DYNC2H1: variants seen among roughly 807,000 people sequenced by gnomAD.
DYNC2H1 encodes dynein cytoplasmic 2 heavy chain 1, also known as cytoplasmic dynein 2 heavy chain 1.
In DYNC2H1, 410 loss-of-function variants were observed where a neutral mutation model predicts 570.0. The observed-to-expected ratio is 0.72, with a 90% CI of 0.66 to 0.78. DYNC2H1 has a LOEUF of 0.78. Among genes scored for constraint, DYNC2H1 ranks in the 30% least tolerant of loss-of-function variants. The probability of loss-of-function intolerance (pLI) is 0.00; values close to 1 mark genes in which losing one functional copy is unlikely to be tolerated. For missense variants in DYNC2H1, 4,865 were observed against 5,046.4 expected, an observed-to-expected ratio of 0.96 and a Z score of 1.09; for synonymous variants, 1,688 against 1,677.6, an observed-to-expected ratio of 1.01 and a Z score of -0.15.
At chr11:103,445,130 G>A (rs1302510539) in intron 85 of DYNC2H1, among the ~76,000 whole-genome samples, 2 of 152,180 alleles carry the variant, frequency 1.3e-5, no homozygotes, top group Non-Finnish European at 2.9e-5. Flanking sequence ...AATAATGCCT[G>A]TAAAATTCAC....
intron 50 of DYNC2H1, among the ~76,000 whole-genome samples, chr11:103,202,973 C>T (rs185638089): frequency 2.6e-4 from 40 of 152,172 alleles, no homozygotes; most frequent in African/African-American, 9.4e-4. Flanking sequence ...TAGTAGCAGG[C>T]CATGGACCAG....
chr11:103,139,509 A>G (rs1484861609), intron 17 of DYNC2H1, among the ~76,000 whole-genome samples: 6 of 151,860 alleles, frequency 4.0e-5, no homozygotes. Flanking sequence ...TTCAGTTTCC[A>G]TGTAGTTGAG....
chr11:103,141,658 G>A (rs986893947), intron 17 of DYNC2H1, among the ~76,000 whole-genome samples: 4 of 152,190 alleles, frequency 2.6e-5, no homozygotes, highest in African/African-American at 9.6e-5. Context: ...TCAGGGGTCA[G>A]GGGTCAGGGA....
rs763142229 is a variant in DYNC2H1 at position 103,134,384 on chromosome 11, G to A, written c.2170G>A (p.Glu724Lys). The A allele has an allele frequency of 1.2e-6, 2 of 1,611,910 alleles. No homozygotes were observed. The highest frequency in any genetic ancestry group is 4.5e-5 in the East Asian group (2 of 44,798). Residue 724 changes from glutamate to lysine, a missense_variant, in exon 15 of 89, where the codon GAA becomes AAA. Physicochemically the swap from Glu to Lys is moderately conservative, Grantham distance 56. Coordinates refer to ENST00000375735, the MANE Select transcript of DYNC2H1 (RefSeq NM_001377.3). ...QQQRWKDGLQ[E>K]LRTGLATVEA... is the part of the protein sequence containing the mutation. ...ACAGCGCTGGAAAGATGGATTACAA[G>A]AATTGAGAACTGGCTTAGCAACTGT... is the stretch of plus-strand genomic sequence containing the variant.
In DYNC2H1 at chr11:103,169,037, A is replaced by G. The variant is rs373727848; in HGVS notation, c.4968+77A>G. The G allele has an allele frequency of 1.0e-4, 130 of 1,284,766 alleles. 2 individuals are homozygous for G. In the South Asian group the frequency reaches 1.2e-3, roughly 12 times the overall value. The allele number at this position is 1,284,766 out of a possible 1,614,324, so 79.6% of individuals were successfully genotyped here. A position where few individuals can be genotyped will look rare whatever the true frequency, so the allele number is the denominator to read the frequency against. ...AAGAAAATTTGTTATTGGTAGAAAT[A>G]CTTTTTTATTTAAGTAGTAATTTTT... On this transcript the variant is annotated intron_variant, in intron 32 of 88. Coordinates refer to ENST00000375735, the MANE Select transcript of DYNC2H1 (RefSeq NM_001377.3).
Position 103,177,006 on chromosome 11 carries a change from A to T in DYNC2H1, c.5875-550A>T, listed in dbSNP as rs183338163. Among the ~76,000 whole-genome samples the T allele has an allele frequency of 6.6e-6, 1 of 152,220 alleles. No homozygotes were observed. Among genetic ancestry groups the T allele is most frequent in the Non-Finnish European group, 1.5e-5 (1 of 67,980 alleles). On this transcript the variant is annotated intron_variant, in intron 37 of 88. Transcript: ENST00000375735. This position sits in a 1 kb window ranked among gnomAD's most constrained non-coding sequence, Gnocchi z 4.4. ...CAGGCCTGAGCCACCGCATCTGGCCATCCATATATATTTTTGCTCACCATT... is the reference window on the plus strand; with the variant it reads ...CAGGCCTGAGCCACCGCATCTGGCCTTCCATATATATTTTTGCTCACCATT...
intron 82 of DYNC2H1, among the ~76,000 whole-genome samples, chr11:103,345,097 A>G (rs1939674445): frequency 6.6e-6 from 1 of 152,236 alleles, no homozygotes; most frequent in African/African-American, 2.4e-5. Context: ...TTCGAACATT[A>G]TAAAGCAGTG....
intron 39 of DYNC2H1, among the ~76,000 whole-genome samples, chr11:103,180,494 T>C (rs569606774): frequency 6.6e-6 from 1 of 151,814 alleles, no homozygotes; most frequent in Non-Finnish European, 1.5e-5. Context: ...CAGGTATTGT[T>C]TGTGAAAGGC....
chr11:103,287,708 C>G, intron 75 of DYNC2H1, 103 bp downstream of exon 75: 1 of 891,922 alleles, frequency 1.1e-6, no homozygotes. Flanking sequence ...GTTATAATGT[C>G]TCTTTTATTC....
intron 82 of DYNC2H1, among the ~76,000 whole-genome samples, chr11:103,353,499 A>G (rs763859291): frequency 7.2e-5 from 11 of 152,134 alleles, no homozygotes; most frequent in Non-Finnish European, 1.5e-4. Context: ...ATTATCTACA[A>G]CATCTGTGTT....
At chr11:103,390,984 C>G (rs541344516) in intron 83 of DYNC2H1, among the ~76,000 whole-genome samples, 5 of 152,198 alleles carry the variant, frequency 3.3e-5, no homozygotes, top group African/African-American at 1.2e-4. Context: ...TTTGGAGTTG[C>G]TCTTCTCGAG....
chr11:103,258,165 A>G (rs904643068), intron 69 of DYNC2H1, among the ~76,000 whole-genome samples: 4 of 152,234 alleles, frequency 2.6e-5, no homozygotes, highest in African/African-American at 9.6e-5. Context: ...CCACTGCCTT[A>G]TCAAGCATGT....
intron 81 of DYNC2H1, among the ~76,000 whole-genome samples, chr11:103,322,273 T>A (rs1279315799): frequency 6.6e-6 from 1 of 152,132 alleles, no homozygotes; most frequent in Non-Finnish European, 1.5e-5. Context: ...TACATTTAAC[T>A]CAGATAGTGT....
In DYNC2H1 at chr11:103,256,108, A is replaced by G. The variant is rs968203847; in HGVS notation, c.10329A>G (p.Thr3443=). Residue 3443 remains threonine (T), a splice_region_variant and synonymous_variant, in exon 68 of 89, where the codon ACA becomes ACG. Coordinates refer to ENST00000375735, the MANE Select transcript of DYNC2H1 (RefSeq NM_001377.3). This position sits in a 1 kb window ranked among gnomAD's most constrained non-coding sequence, Gnocchi z 4.0. ...LAKLEESLLE[T]LATSQGNILE... ...CATATTGTTAACTTTCCCTACAGACACTTGCCACATCTCAAGGCAATATTT... is the reference window on the plus strand; with the variant it reads ...CATATTGTTAACTTTCCCTACAGACGCTTGCCACATCTCAAGGCAATATTT... 1.9e-6 allele frequency: 3 copies of G among 1,600,512 alleles called. No homozygotes were observed. In the Admixed American group the frequency reaches 5.1e-5, roughly 27 times the overall value.
At position 103,201,654 on chromosome 11, in the gene DYNC2H1, G is replaced by T. The variant is rs1323139881; in HGVS notation, c.8197+1500G>T. Among the ~76,000 whole-genome samples, 1 of 152,112 alleles carries T rather than the reference G, an allele frequency of 6.6e-6. No homozygotes were observed. The highest frequency in any genetic ancestry group is 2.1e-4 in the South Asian group (1 of 4,824). On this transcript the variant is annotated intron_variant, in intron 50 of 88. Transcript: ENST00000375735. This position sits in a 1 kb window ranked among gnomAD's most constrained non-coding sequence, Gnocchi z 4.8. ...AGAACTGTTGCTACTCTTCTCCTGT[G>T]GCTCTGTCCCCAGCAAACTGTGGTA...
intron 17 of DYNC2H1, among the ~76,000 whole-genome samples, chr11:103,140,716 A>G (rs536806891): frequency 4.9e-4 from 75 of 152,112 alleles, no homozygotes; most frequent in African/African-American, 1.7e-3. Flanking sequence ...TATCTTTGTG[A>G]CATTCTCTGT....
intron 84 of DYNC2H1, chr11:103,404,692 A>G (rs1942786813): frequency 1.3e-5 from 2 of 151,694 alleles, no homozygotes; most frequent in South Asian, 2.1e-4. Flanking sequence ...CATGGCAAAT[A>G]CCATTCCTAT....
intron 20 of DYNC2H1, among the ~76,000 whole-genome samples, 178 bp downstream of exon 20, chr11:103,148,795 ACGC>A (rs1216402870): frequency 6.6e-6 from 1 of 152,108 alleles, no homozygotes; most frequent in African/African-American, 2.4e-5. Context: ...CTGGTGGCTC[ACGC>A]CTGTAATCTC....
chr11:103,436,390 A>G (rs1211763111), intron 85 of DYNC2H1, among the ~76,000 whole-genome samples: 1 of 151,956 alleles, frequency 6.6e-6, no homozygotes, highest in Non-Finnish European at 1.5e-5. Flanking sequence ...GTTTTCTTCA[A>G]ATTGATCAAG....
Sources: gnomAD v4.1 joint callset for allele counts (sites outside exome capture counted in the v4.1 genomes callset) on GRCh38, gnomAD v4.1.1 for gene constraint, Gnocchi (gnomAD v3.1) non-coding constraint, MANE v1.5 for transcripts, NCBI Gene and HGNC (gene_info 2026-07-23, HGNC 2026-07-21) for gene names.